Variants in TTLL1 observed in about 807,000 individuals in gnomAD.
TTLL1 encodes the protein polyglutamylase complex subunit TTLL1.
Under a neutral mutation model 47.8 loss-of-function variants are expected in TTLL1, and 33 were observed. That is an observed-to-expected ratio of 0.69 (90% CI 0.52 to 0.92). TTLL1 has a LOEUF of 0.92. Ranked by LOEUF, TTLL1 falls within the 40% of genes least tolerant of loss-of-function variation. The probability of loss-of-function intolerance (pLI) is 0.00; values close to 1 mark genes in which losing one functional copy is unlikely to be tolerated. For missense variants in TTLL1, 488 were observed against 547.5 expected, an observed-to-expected ratio of 0.89 and a Z score of 1.08; for synonymous variants, 225 against 214.1, an observed-to-expected ratio of 1.05 and a Z score of -0.45.
intron 1 of TTLL1, among the ~76,000 whole-genome samples, chr22:43,088,883 G>A (rs188246946): frequency 1.8e-3 from 269 of 152,266 alleles, no homozygotes; most frequent in South Asian, 9.1e-3. Flanking sequence ...TCATCTAGAG[G>A]GAAGACACAA....
rs989381634 is a variant in TTLL1, at chr22:43,051,800, C to T, written c.978+1G>A. On this transcript the variant is annotated splice_donor_variant, in intron 9 of 10. Coordinates refer to ENST00000266254, the MANE Select transcript of TTLL1 (RefSeq NM_012263.5). LOFTEE classifies it high-confidence loss of function. ...CCAGGTGCAGGTGCTCCCGCAGTTA[C>T]CTCGATCAGCCAGGGCTTCAGCTTG... The T allele has an allele frequency of 6.2e-7, 1 of 1,613,874 alleles. No homozygotes were observed. The highest frequency in any genetic ancestry group is 1.3e-5 in the African/African-American group (1 of 74,882).
At chr22:43,040,656 G>C (rs942947846) in intron 10 of TTLL1, among the ~76,000 whole-genome samples, 2 of 152,184 alleles carry the variant, frequency 1.3e-5, no homozygotes, top group Non-Finnish European at 2.9e-5. Flanking sequence ...ATGTTGGCCA[G>C]GCTGGTCTCG....
chr22:43,073,497 C>T (rs1379140882), intron 3 of TTLL1, among the ~76,000 whole-genome samples: 1 of 151,956 alleles, frequency 6.6e-6, no homozygotes, highest in African/African-American at 2.4e-5. Context: ...GCTAGGATTA[C>T]AGGTGCGCAC....
intron 3 of TTLL1, among the ~76,000 whole-genome samples, chr22:43,074,555 C>T (rs561602220): frequency 1.3e-5 from 2 of 151,262 alleles, no homozygotes; most frequent in Admixed American, 6.6e-5. Flanking sequence ...AGAATAGCTC[C>T]GAAGGCTGGG....
rs779450991 is a variant in TTLL1, at chr22:43,048,711, G to A, written c.979-2138C>T. Among the ~76,000 whole-genome samples, 78 of 151,472 alleles carry A rather than the reference G, an allele frequency of 5.1e-4. 1 individual carries two copies. Among genetic ancestry groups the A allele is most frequent in the Non-Finnish European group, 1.0e-3 (70 of 67,952 alleles). On this transcript the variant is annotated intron_variant, in intron 9 of 10. Transcript: ENST00000266254. ...CCAGCACTTTGGGAGGCTGCAGTGG[G>A]CGGATCACTTGAGGTCCGGGTTCAA...
chr22:43,070,117 T>TGATTAGTGATAACA, intron 3 of TTLL1: 1 of 1,382,168 alleles, frequency 7.2e-7, no homozygotes, highest in Non-Finnish European at 9.9e-7. Context: ...AGATGTTTAT[T>TGATTAGTGATAACA]GATTAGTGAT....
chr22:43,075,266 G>A (rs755800889), intron 3 of TTLL1, among the ~76,000 whole-genome samples: 6 of 152,082 alleles, frequency 3.9e-5, no homozygotes, highest in Non-Finnish European at 5.9e-5. Context: ...GAAACACCCC[G>A]GACTTCATAC....
chr22:43,058,582 G>C (rs529154995), intron 8 of TTLL1, among the ~76,000 whole-genome samples: 1 of 152,368 alleles, frequency 6.6e-6, no homozygotes, highest in African/African-American at 2.4e-5. Flanking sequence ...AGGCTAGCCC[G>C]GCTCACCCCG....
intron 1 of TTLL1, among the ~76,000 whole-genome samples, chr22:43,084,904 G>A (rs927798393): frequency 1.3e-5 from 2 of 151,190 alleles, no homozygotes; most frequent in South Asian, 4.2e-4. Context: ...GCTCAACCAT[G>A]CCTGCACAGA....
chr22:43,046,771 G>A (rs951798756), intron 9 of TTLL1, among the ~76,000 whole-genome samples, 198 bp from the exon 10 acceptor site: 3 of 152,172 alleles, frequency 2.0e-5, no homozygotes, highest in Non-Finnish European at 4.4e-5. Context: ...CCGGGCTCAA[G>A]CGATTCTCCT....
At chr22:43,080,056 T>G (rs1396655306) in intron 1 of TTLL1, 70 bp from the exon 2 acceptor site, 1 of 152,044 alleles carries the variant, frequency 6.6e-6, no homozygotes, top group African/African-American at 2.4e-5. Flanking sequence ...CATTTTTTGT[T>G]TGTTTTTGTT....
intron 1 of TTLL1, among the ~76,000 whole-genome samples, chr22:43,085,283 C>T (rs1037713985): frequency 3.3e-5 from 5 of 152,112 alleles, no homozygotes; most frequent in Non-Finnish European, 7.4e-5. Flanking sequence ...GCAAAGCTAC[C>T]ACTTATTAAG....
intron 3 of TTLL1, chr22:43,070,099 C>A: frequency 7.7e-7 from 1 of 1,299,184 alleles, no homozygotes; most frequent in Non-Finnish European, 1.1e-6. Context: ...CCGGAGCAGG[C>A]ACTCAATAGA....
At chr22:43,068,346 T>C (rs780720741) in intron 5 of TTLL1, 64 bp downstream of exon 5, 125 of 1,338,928 alleles carry the variant, frequency 9.3e-5, no homozygotes, top group Admixed American at 1.3e-4. Context: ...CCACAAAGAC[T>C]GCGAACAGCA....
intron 3 of TTLL1, among the ~76,000 whole-genome samples, chr22:43,070,715 G>A (rs1414406954): frequency 1.3e-5 from 2 of 152,020 alleles, no homozygotes; most frequent in East Asian, 3.8e-4. Flanking sequence ...ACCAGTTAAC[G>A]GCACGTGGCC....
chr22:43,064,886 CTGT>C (rs1569431611), intron 5 of TTLL1, among the ~76,000 whole-genome samples: 1 of 152,072 alleles, frequency 6.6e-6, no homozygotes, highest in African/African-American at 2.4e-5. Context: ...TGGCTCACGC[CTGT>C]AATCCCAGCA....
chr22:43,084,593 C>G (rs1929109702), intron 1 of TTLL1, among the ~76,000 whole-genome samples: 1 of 151,640 alleles, frequency 6.6e-6, no homozygotes, highest in Non-Finnish European at 1.5e-5. Context: ...GCTCTGCCTC[C>G]TGGGCTCACG....
At chr22:43,074,376 G>A (rs545755162) in intron 3 of TTLL1, among the ~76,000 whole-genome samples, 1 of 144,728 alleles carries the variant, frequency 6.9e-6, no homozygotes, top group Non-Finnish European at 1.5e-5. Flanking sequence ...GCAATGAGCC[G>A]AGATTGCCCC....
At chr22:43,069,495 CTGAAA>C in intron 4 of TTLL1, 136 bp downstream of exon 4, 7 of 1,459,426 alleles carry the variant, frequency 4.8e-6, no homozygotes, top group Non-Finnish European at 5.5e-6. Flanking sequence ...CTGGAGACAC[CTGAAA>C]TGAAACAGGT....
Sources: gnomAD v4.1 joint callset for allele counts (sites outside exome capture counted in the v4.1 genomes callset) on GRCh38, gnomAD v4.1.1 for gene constraint, MANE v1.5 for transcripts, NCBI Gene and HGNC (gene_info 2026-07-23, HGNC 2026-07-21) for gene names.